The following BRAF variants were observed in gnomAD, a reference collection of about 807,000 sequenced individuals.
The protein encoded by BRAF is B-Raf proto-oncogene, serine/threonine kinase.
In BRAF, 16 loss-of-function variants were observed where a neutral mutation model predicts 104.6. That is an observed-to-expected ratio of 0.15 (90% CI 0.10 to 0.23). The LOEUF (loss-of-function observed/expected upper bound fraction) is 0.23. Among genes scored for constraint, BRAF ranks in the 10% least tolerant of loss-of-function variants. The pLI, the probability that BRAF is intolerant of heterozygous loss-of-function variation, is 1.00. For missense variants in BRAF, 541 were observed against 937.3 expected, an observed-to-expected ratio of 0.58 and a Z score of 5.52; for synonymous variants, 310 against 341.6, an observed-to-expected ratio of 0.91 and a Z score of 1.02.
chr7:140,877,637 A>G (rs1812417540), intron 1 of BRAF, among the ~76,000 whole-genome samples: 1 of 152,104 alleles, frequency 6.6e-6, no homozygotes, highest in African/African-American at 2.4e-5. Flanking sequence ...GGAAGACACA[A>G]ATTAACAATA....
chr7:140,762,729 G>A (rs923344870), intron 14 of BRAF, among the ~76,000 whole-genome samples: 2 of 151,958 alleles, frequency 1.3e-5, no homozygotes, highest in Admixed American at 1.3e-4. Context: ...AAGGTCTCTG[G>A]TTTTCCTAGG....
chr7:140,718,896 T>C (rs1371990991), downstream of BRAF, among the ~76,000 whole-genome samples: 1 of 152,166 alleles, frequency 6.6e-6, no homozygotes, highest in Non-Finnish European at 1.5e-5. Flanking sequence ...TTCAAGTAAA[T>C]GTTAGCGTGC....
rs558869515 is a variant in BRAF, at chr7:140,814,802, T to A, written c.505-5807A>T. Among the ~76,000 whole-genome samples, 29 of 145,848 alleles carry A rather than the reference T, an allele frequency of 2.0e-4. No homozygotes were observed. In the East Asian group the frequency reaches 3.3e-3, roughly 17 times the overall value. On this transcript the variant is annotated intron_variant, in intron 3 of 19. Transcript: ENST00000644969. ...ATATATTATATATAACATATATATATTATATATAACATATATAATTTATAT... is the reference window on the plus strand; with the variant it reads ...ATATATTATATATAACATATATATAATATATATAACATATATAATTTATAT...
chr7:140,782,709 T>A (rs1800999852), intron 11 of BRAF, among the ~76,000 whole-genome samples: 1 of 152,178 alleles, frequency 6.6e-6, no homozygotes, highest in Non-Finnish European at 1.5e-5. Flanking sequence ...TCAGTAGATA[T>A]CTGAAATATC....
chr7:140,800,469 G>A lies in BRAF; in HGVS notation c.873C>T (p.Val291=), dbSNP rs2129043728. 2 of 1,614,160 alleles carry A rather than the reference G, an allele frequency of 1.2e-6. No homozygotes were observed. The highest frequency in any genetic ancestry group is 1.7e-6 in the Non-Finnish European group (2 of 1,180,016). The change falls in exon 7 of 20, where the codon GTC becomes GTT. Residue 291 remains valine, a synonymous_variant. Transcript: ENST00000644969. ...TTGGGTGGTGTTCAAAGAACTTGGA[G>A]ACAAACAGCAAACTGTGAGGCAAAA... The part of the protein sequence containing the change: ...VNYDQLDLLF[V]SKFFEHHPIP...
At chr7:140,715,330 T>C (rs1795109768), downstream of BRAF, among the ~76,000 whole-genome samples, 1 of 152,212 alleles carries the variant, frequency 6.6e-6, no homozygotes, top group South Asian at 2.1e-4. Context: ...CACCTGTGTG[T>C]GAGCTGCCTG....
chr7:140,720,045 G>A lies in BRAF; in HGVS notation c.*6449C>T. On this transcript the variant is annotated 3_prime_UTR_variant, in exon 20 of 20. Transcript: ENST00000644969. The stretch of plus-strand genomic sequence containing the variant: ...AACCAAGGAATACATGAAAAGGGGG[G>A]ATTTCCTTTTTCTTGGTCTAAACCA... 9.4e-7 allele frequency: 1 copy of A among 1,061,274 alleles called. No individual in the cohort carries two copies. The highest frequency in any genetic ancestry group is 4.6e-5 in the South Asian group (1 of 21,930). 65.7% of individuals were successfully genotyped at this position (1,061,274 alleles called of 1,614,324 possible).
chr7:140,811,421 G>T (rs1804246900), intron 3 of BRAF, among the ~76,000 whole-genome samples: 1 of 152,130 alleles, frequency 6.6e-6, no homozygotes, highest in Non-Finnish European at 1.5e-5. Flanking sequence ...CAGAAGAGGA[G>T]GGCTAGGGGA....
In BRAF at chr7:140,723,531, C is replaced by T; in HGVS notation, c.*2963G>A. 2 of 1,051,578 alleles carry T rather than the reference C, an allele frequency of 1.9e-6. No individual in the cohort carries two copies. The highest frequency in any genetic ancestry group is 1.7e-5 in the African/African-American group (1 of 60,424). The allele number at this position is 1,051,578 out of a possible 1,614,324, so 65.1% of individuals were successfully genotyped here. On this transcript the variant is annotated 3_prime_UTR_variant, in exon 20 of 20. Transcript: ENST00000644969. Reference sequence around the variant, plus strand: ...TGCACATTAACAACAAATGATCACACTGAATTTTCTATTCACAAATCCCTT... The same window carrying T: ...TGCACATTAACAACAAATGATCACATTGAATTTTCTATTCACAAATCCCTT...
intron 7 of BRAF, 44 bp from the exon 8 acceptor site, chr7:140,794,511 T>C (rs764549858): frequency 6.3e-7 from 1 of 1,582,712 alleles, no homozygotes; most frequent in Non-Finnish European, 8.7e-7. Context: ...AGAGTAACGA[T>C]ATAAAGGTAA....
At chr7:140,822,172 A>T (rs988080842) in intron 3 of BRAF, among the ~76,000 whole-genome samples, 3 of 152,198 alleles carry the variant, frequency 2.0e-5, no homozygotes, top group Admixed American at 2.0e-4. Flanking sequence ...AAAGTTGAAA[A>T]AAAAATTTTA....
chr7:140,814,783 T>TATATATAACATATATATA lies in BRAF; in HGVS notation c.505-5806_505-5789dup, dbSNP rs1804669982. ...TATATATTATATATAACATATATAT[T>TATATATAACATATATATA]ATATATAACATATATATATTATATA... On this transcript the variant is annotated intron_variant, in intron 3 of 19. Transcript: ENST00000644969. Among the ~76,000 whole-genome samples, 3 of 142,618 alleles carry TATATATAACATATATATA rather than the reference T, an allele frequency of 2.1e-5. No homozygotes were observed. In the South Asian group the frequency reaches 6.4e-4, roughly 30 times the overall value. 93.6% of individuals were successfully genotyped at this position (142,618 alleles called of 152,430 possible).
chr7:140,898,143 G>A (rs1273820378), intron 1 of BRAF, among the ~76,000 whole-genome samples: 1 of 152,146 alleles, frequency 6.6e-6, no homozygotes. Flanking sequence ...AGTGAGCTAT[G>A]ATCACACTAC....
chr7:140,841,595 C>T (rs1319375950), intron 2 of BRAF, among the ~76,000 whole-genome samples: 1 of 152,068 alleles, frequency 6.6e-6, no homozygotes, highest in African/African-American at 2.4e-5. Context: ...ACTACATAAA[C>T]AAACTTTGGA....
At chr7:140,843,957 C>T (rs1359730641) in intron 2 of BRAF, among the ~76,000 whole-genome samples, 6 of 152,012 alleles carry the variant, frequency 3.9e-5, no homozygotes, top group African/African-American at 7.2e-5. Flanking sequence ...TGAAGTGAGC[C>T]GAGATCGCAC....
At chr7:140,909,691 T>C (rs573073779) in intron 1 of BRAF, among the ~76,000 whole-genome samples, 26 of 152,222 alleles carry the variant, frequency 1.7e-4, no homozygotes, top group African/African-American at 6.0e-4. Flanking sequence ...ATTCCTCCAA[T>C]ATTGTGGTAA....
chr7:140,861,332 T>C (rs758292884), intron 1 of BRAF, among the ~76,000 whole-genome samples: 1 of 152,180 alleles, frequency 6.6e-6, no homozygotes, highest in Non-Finnish European at 1.5e-5. Flanking sequence ...GAGTGTTTGT[T>C]AGGTACAAAA....
intron 15 of BRAF, 171 bp downstream of exon 14, chr7:140,754,016 G>T: frequency 1.5e-6 from 1 of 677,332 alleles, no homozygotes. Context: ...GAAACCAAAA[G>T]CAGGCTGTGG....
chr7:140,876,387 G>T (rs952775471), intron 1 of BRAF, among the ~76,000 whole-genome samples: 1 of 152,134 alleles, frequency 6.6e-6, no homozygotes, highest in Non-Finnish European at 1.5e-5. Flanking sequence ...CAATCTAAAA[G>T]AATGCAGGAA....
Sources: allele counts gnomAD v4.1 joint callset (sites outside exome capture counted in the v4.1 genomes callset), GRCh38; gene constraint gnomAD v4.1.1; transcripts MANE v1.5; gene names NCBI Gene and HGNC (gene_info 2026-07-23, HGNC 2026-07-21).